Variants in MIA3 observed in about 807,000 individuals in gnomAD.
MIA3 encodes the protein transport and Golgi organization protein 1 homolog.
Under a neutral mutation model 192.4 loss-of-function variants are expected in MIA3, and 90 were observed. That is an observed-to-expected ratio of 0.47 (90% CI 0.39 to 0.56). The LOEUF is 0.56. Ranked by LOEUF, MIA3 falls within the 20% of genes least tolerant of loss-of-function variation. The pLI is 0.00. For missense variants in MIA3, 2,123 were observed against 2,269.4 expected (o/e 0.94, Z 1.31); for synonymous variants, 740 against 792.8 (o/e 0.93, Z 1.12).
chr1:222,623,673 G>A (rs568116870), intron 2 of MIA3, among the ~76,000 whole-genome samples: 102 of 152,290 alleles, frequency 6.7e-4, no homozygotes, highest in African/African-American at 2.2e-3. Context: ...CATGAATGGA[G>A]ATGTTTTATG....
chr1:222,667,465 T>C lies in MIA3; in HGVS notation c.*1846T>C, dbSNP rs894448180. On this transcript the variant is annotated 3_prime_UTR_variant, in exon 28 of 28. Coordinates refer to ENST00000344922, the MANE Select transcript of MIA3 (RefSeq NM_198551.4). ...AGATTATGCCATCTAGGAAGGTAAG[T>C]AGGAAAGGTAAATTAAATCTATTTT... The C allele has an allele frequency of 6.6e-6, 1 of 151,974 alleles. No homozygotes were observed. Among genetic ancestry groups the C allele is most frequent in the African/African-American group, 2.4e-5 (1 of 41,366 alleles). The allele number at this position is 151,974 out of a possible 1,614,324, so 9.4% of individuals were successfully genotyped here.
Position 222,651,973 on chromosome 1 carries a change from G to A in MIA3, c.3910-4G>A. The A allele has an allele frequency of 1.3e-6, 2 of 1,500,740 alleles. No homozygotes were observed. The highest frequency in any genetic ancestry group is 9.3e-7 in the Non-Finnish European group (1 of 1,077,810). The allele number at this position is 1,500,740 out of a possible 1,614,324, so 93.0% of individuals were successfully genotyped here. On this transcript the variant is annotated splice_region_variant and splice_polypyrimidine_tract_variant and intron_variant, in intron 11 of 27. Coordinates refer to ENST00000344922, the MANE Select transcript of MIA3 (RefSeq NM_198551.4). ...GCATTTTGTGTTCTGTTTTTACATG[G>A]CAGATATCAGAAAACAAGAAATCTA...
chr1:222,625,784 T>G (rs1296297903), intron 3 of MIA3, among the ~76,000 whole-genome samples: 3 of 152,236 alleles, frequency 2.0e-5, no homozygotes, highest in Non-Finnish European at 2.9e-5. Context: ...CCGCCCAGGC[T>G]GGAGTGCAGT....
Position 222,654,290 on chromosome 1 carries a change from G to T in MIA3, c.4369G>T (p.Val1457Phe), listed in dbSNP as rs770342754. 6.2e-7 allele frequency: 1 copy of T among 1,614,008 alleles called. No individual in the cohort carries two copies. The highest frequency in any genetic ancestry group is 1.3e-5 in the African/African-American group (1 of 75,046). Residue 1457 changes from valine to phenylalanine, a missense_variant, in exon 16 of 28, where the codon GTC becomes TTC. Physicochemically the swap from Val to Phe is conservative, Grantham distance 50. This residue lies in a region of MIA3 where 762 missense variants were observed against 856.4 expected (regional missense o/e 0.89). Coordinates refer to ENST00000344922, the MANE Select transcript of MIA3 (RefSeq NM_198551.4). Reference sequence around the variant, plus strand: ...AAATCAAATTAAGCAGATGATGGATGTCTCTCGGGTATAATCGTTTTTAGA... The same window carrying T: ...AAATCAAATTAAGCAGATGATGGATTTCTCTCGGGTATAATCGTTTTTAGA... ...MKNQIKQMMDVSRTQTAISVV... is the reference protein window; with the variant it reads ...MKNQIKQMMDFSRTQTAISVV...
intron 7 of MIA3, chr1:222,647,865 A>G (rs1468924179): frequency 8.3e-6 from 3 of 363,188 alleles, no homozygotes; most frequent in Middle Eastern, 3.8e-4. Context: ...GCATATTCCT[A>G]TAACAATGGT....
intron 27 of MIA3, 142 bp from the exon 28 acceptor site, chr1:222,665,167 C>T (rs1371345553): frequency 1.5e-6 from 1 of 645,784 alleles, no homozygotes. Context: ...CATTACACTC[C>T]AGCCCATGTG....
At chr1:222,644,699 A>G in intron 6 of MIA3, 1 of 1,184,930 alleles carries the variant, frequency 8.4e-7, no homozygotes, top group Non-Finnish European at 1.2e-6. Flanking sequence ...AGTGTGTCAG[A>G]TCCGAGGAAA....
Position 222,664,155 on chromosome 1 carries a change from T to C in MIA3, c.5413+7T>C, listed in dbSNP as rs1215415390. 2 of 1,613,880 alleles carry C rather than the reference T, an allele frequency of 1.2e-6. No homozygotes were observed. The highest frequency in any genetic ancestry group is 8.5e-7 in the Non-Finnish European group (1 of 1,179,734). Reference sequence around the variant, plus strand: ...CCACTTCCTCCACCCTTTGGTAAGATGATCTGAACAGTAGTAATTGACTTG... The same window carrying C: ...CCACTTCCTCCACCCTTTGGTAAGACGATCTGAACAGTAGTAATTGACTTG... On this transcript the variant is annotated splice_region_variant and intron_variant, in intron 27 of 27. Coordinates refer to ENST00000344922, the MANE Select transcript of MIA3 (RefSeq NM_198551.4).
intron 18 of MIA3, among the ~76,000 whole-genome samples, chr1:222,656,482 A>T (rs1429994258): frequency 6.6e-6 from 1 of 151,190 alleles, no homozygotes; most frequent in East Asian, 1.9e-4. Flanking sequence ...TCTTTTTTCA[A>T]ATGTTTTATG....
chr1:222,660,087 AATGGTT>A (rs1218055424), intron 23 of MIA3, 81 bp downstream of exon 23: 3 of 1,587,530 alleles, frequency 1.9e-6, no homozygotes. Context: ...TTCTGTGTGT[AATGGTT>A]ATGGTACCCT....
rs972850370 is a variant in MIA3, at chr1:222,666,544, C to G, written c.*925C>G. ...AATTTTAAAATGTACAGTCCCTTAT[C>G]TATCTTTCCCATTCCTTGCCACTGA... On this transcript the variant is annotated 3_prime_UTR_variant, in exon 28 of 28. Coordinates refer to ENST00000344922, the MANE Select transcript of MIA3 (RefSeq NM_198551.4). 3.3e-5 allele frequency: 5 copies of G among 152,008 alleles called. No homozygotes were observed. The highest frequency in any genetic ancestry group is 5.9e-5 in the Non-Finnish European group (4 of 68,022). The allele number at this position is 152,008 out of a possible 1,614,324, so 9.4% of individuals were successfully genotyped here. A position where few individuals can be genotyped will look rare whatever the true frequency, so the allele number is the denominator to read the frequency against.
Position 222,667,957 on chromosome 1 carries a change from C to G in MIA3, c.*2338C>G, listed in dbSNP as rs1235767629. On this transcript the variant is annotated 3_prime_UTR_variant, in exon 28 of 28. Transcript: ENST00000344922. ...TATTCTGTGTCAACTTCAAGATAATCACTCATTTTCTCGTTATATTCAGGT... is the reference window on the plus strand; with the variant it reads ...TATTCTGTGTCAACTTCAAGATAATGACTCATTTTCTCGTTATATTCAGGT... The G allele has an allele frequency of 6.6e-6, 1 of 152,164 alleles. No individual in the cohort carries two copies. Among genetic ancestry groups the G allele is most frequent in the East Asian group, 1.9e-4 (1 of 5,192 alleles). 9.4% of individuals were successfully genotyped at this position (152,164 alleles called of 1,614,324 possible).
In MIA3 at chr1:222,650,117, T is replaced by C. The variant is rs1012545250; in HGVS notation, c.3632-175T>C. On this transcript the variant is annotated intron_variant, in intron 8 of 27. Transcript: ENST00000344922. Reference sequence around the variant, plus strand: ...GAACACTGGGTACTATAATTTGTTATGAGATTTGATGGAGACACAGAACCA... The same window carrying C: ...GAACACTGGGTACTATAATTTGTTACGAGATTTGATGGAGACACAGAACCA... 2.6e-5 allele frequency: 16 copies of C among 621,866 alleles called. 1 individual carries two copies. Among genetic ancestry groups the C allele is most frequent in the Non-Finnish European group, 4.2e-5 (14 of 335,568 alleles). 38.5% of individuals were successfully genotyped at this position (621,866 alleles called of 1,614,324 possible).
chr1:222,626,038 T>TA (rs1463739939), intron 3 of MIA3, among the ~76,000 whole-genome samples: 2 of 152,138 alleles, frequency 1.3e-5, no homozygotes, highest in Non-Finnish European at 2.9e-5. Flanking sequence ...TATATATATA[T>TA]AAAAAACACC....
chr1:222,628,406 GA>G lies in MIA3; in HGVS notation c.1189del (p.Thr397GlnfsTer7). ...CTTCTCTATTGTCACAGGAGGTGAA[GA>G]AACAAGAGATACGATGGATTTAGAG... ...TIFSIVTGGE[E>X]TRDTMDLESS... On this transcript the variant is annotated frameshift_variant, in exon 4 of 28. Coordinates refer to ENST00000344922, the MANE Select transcript of MIA3 (RefSeq NM_198551.4). LOFTEE classifies it high-confidence loss of function. The G allele has an allele frequency of 6.2e-7, 1 of 1,613,896 alleles. No homozygotes were observed. Among genetic ancestry groups the G allele is most frequent in the Non-Finnish European group, 8.5e-7 (1 of 1,179,944 alleles).
rs901943705 is a variant in MIA3 at position 222,652,175 on chromosome 1, CTT to C, written c.3982-49_3982-48del. Reference sequence around the variant, plus strand: ...ACATGATGTTGGGTTGGAAAAGTAACTTTTTCTGGTTTTCTTTGGAATTAATT... The same window carrying C: ...ACATGATGTTGGGTTGGAAAAGTAACTTTCTGGTTTTCTTTGGAATTAATT... On this transcript the variant is annotated intron_variant, in intron 12 of 27. Transcript: ENST00000344922. The C allele has an allele frequency of 1.4e-5, 21 of 1,509,372 alleles. No homozygotes were observed. The Middle Eastern group carries it at 8.7e-4, about 62-fold the overall frequency. The allele number at this position is 1,509,372 out of a possible 1,614,324, so 93.5% of individuals were successfully genotyped here.
chr1:222,632,635 T>G (rs1415741068), intron 5 of MIA3, among the ~76,000 whole-genome samples: 1 of 152,204 alleles, frequency 6.6e-6, no homozygotes, highest in Non-Finnish European at 1.5e-5. Flanking sequence ...CCCAGCAGCA[T>G]CAGAAACTCT....
intron 1 of MIA3, 71 bp from the exon 2 acceptor site, chr1:222,621,088 A>G: frequency 3.8e-6 from 5 of 1,302,324 alleles, no homozygotes; most frequent in Non-Finnish European, 5.2e-6. Context: ...ATATTTCCTG[A>G]TAAATCAATA....
chr1:222,641,676 G>A (rs547397349), intron 6 of MIA3: 20 of 544,138 alleles, frequency 3.7e-5, no homozygotes, highest in South Asian at 2.5e-4. Flanking sequence ...TCGTCAGTGG[G>A]AGGAGTAATT....
Sources: gnomAD v4.1 joint callset for allele counts (sites outside exome capture counted in the v4.1 genomes callset) on GRCh38, gnomAD v4.1.1 for gene constraint, gnomAD v4.1.1 regional missense constraint, MANE v1.5 for transcripts, NCBI Gene and HGNC (gene_info 2026-07-23, HGNC 2026-07-21) for gene names.